Variants in BRAF observed in about 807,000 individuals in gnomAD.
The protein encoded by BRAF is serine/threonine-protein kinase B-raf.
BRAF carries 16 observed loss-of-function variants against 104.6 expected under a neutral mutation model. That is an observed-to-expected ratio of 0.15 (90% CI 0.10 to 0.23). The LOEUF (loss-of-function observed/expected upper bound fraction) is 0.23. Ranked by LOEUF, BRAF falls within the 10% of genes least tolerant of loss-of-function variation. The pLI is 1.00. For synonymous variants in BRAF, 310 were observed against 341.6 expected, an observed-to-expected ratio of 0.91 and a Z score of 1.02; for missense variants, 541 against 937.3, an observed-to-expected ratio of 0.58 and a Z score of 5.52.
intron 1 of BRAF, among the ~76,000 whole-genome samples, chr7:140,903,398 T>C (rs1043450738): frequency 6.6e-6 from 1 of 152,230 alleles, no homozygotes; most frequent in Non-Finnish European, 1.5e-5. Flanking sequence ...TTTTACAACA[T>C]AGTTTGCTGA....
At position 140,924,392 on chromosome 7, in the gene BRAF, G is replaced by A. The variant is rs1292238432; in HGVS notation, c.138+174C>T. Among the ~76,000 whole-genome samples the A allele has an allele frequency of 6.6e-5, 10 of 152,336 alleles. No homozygotes were observed. Among genetic ancestry groups the A allele is most frequent in the Middle Eastern group, 3.4e-3 (1 of 294 alleles). On this transcript the variant is annotated intron_variant, in intron 1 of 19. Transcript: ENST00000644969. This position sits in a 1 kb window ranked among gnomAD's most constrained non-coding sequence, Gnocchi z 4.2. ...GCCATTGTGTGTGTTTACGTAGGAA[G>A]GCGCTGCATGACGGAGAGGGACACG...
chr7:140,922,362 CACTT>C (rs908995187), intron 1 of BRAF, among the ~76,000 whole-genome samples: 4 of 152,204 alleles, frequency 2.6e-5, no homozygotes, highest in Admixed American at 1.3e-4. Context: ...CCCTCGCTCT[CACTT>C]ACTAAATCAG....
intron 1 of BRAF, among the ~76,000 whole-genome samples, chr7:140,871,796 C>T (rs1563007507): frequency 6.6e-6 from 1 of 152,142 alleles, no homozygotes; most frequent in Non-Finnish European, 1.5e-5. Context: ...AATTTAGTTT[C>T]TCACTCTCAC....
chr7:140,758,487 C>T (rs555085676), intron 14 of BRAF, among the ~76,000 whole-genome samples: 2 of 151,892 alleles, frequency 1.3e-5, no homozygotes, highest in Non-Finnish European at 2.9e-5. Flanking sequence ...CAGGGTGTTG[C>T]TCTCTTGCCC....
At chr7:140,869,251 T>C (rs1563005837) in intron 1 of BRAF, among the ~76,000 whole-genome samples, 1 of 152,188 alleles carries the variant, frequency 6.6e-6, no homozygotes, top group Non-Finnish European at 1.5e-5. Flanking sequence ...CATGTTCTTT[T>C]ACATGTTCTA....
chr7:140,856,007 G>C (rs556826190), intron 1 of BRAF, among the ~76,000 whole-genome samples: 94 of 151,800 alleles, frequency 6.2e-4, no homozygotes, highest in Non-Finnish European at 1.2e-3. Flanking sequence ...AACAGAGCAA[G>C]ACTATCTCTA....
At chr7:140,890,064 C>G (rs1360254399) in intron 1 of BRAF, among the ~76,000 whole-genome samples, 1 of 152,182 alleles carries the variant, frequency 6.6e-6, no homozygotes. Context: ...AGAATTCCAG[C>G]TCTTGTCACT....
intron 14 of BRAF, among the ~76,000 whole-genome samples, chr7:140,757,434 C>T (rs556832097): frequency 3.9e-5 from 6 of 152,072 alleles, no homozygotes; most frequent in Admixed American, 1.3e-4. Flanking sequence ...GGACTACAGG[C>T]GCGCGCCACC....
chr7:140,798,678 G>A (rs1213793944), intron 7 of BRAF, among the ~76,000 whole-genome samples: 2 of 151,058 alleles, frequency 1.3e-5, no homozygotes, highest in East Asian at 4.0e-4. Context: ...AAGCTAATTA[G>A]GTGCAGTGTC....
rs138016785 is a variant in BRAF, at chr7:140,921,163, C to T, written c.138+3403G>A. Reference sequence around the variant, plus strand: ...TTCTACAGAAACAGCACAGGAAGAACAGTTAATAAATATCACTCTGGTATC... The same window carrying T: ...TTCTACAGAAACAGCACAGGAAGAATAGTTAATAAATATCACTCTGGTATC... On this transcript the variant is annotated intron_variant, in intron 1 of 19. Coordinates refer to ENST00000644969, the MANE Select transcript of BRAF (RefSeq NM_001374258.1). 3.9e-4 allele frequency among the ~76,000 whole-genome samples: 59 copies of T among 152,180 alleles called. No individual in the cohort carries two copies. In the East Asian group the frequency reaches 0.011, roughly 28 times the overall value.
At chr7:140,759,037 C>T (rs1003514602) in intron 14 of BRAF, among the ~76,000 whole-genome samples, 8 of 152,180 alleles carry the variant, frequency 5.3e-5, no homozygotes, top group Non-Finnish European at 1.2e-4. Flanking sequence ...GCTTCTTTTG[C>T]GCAGCAAAAC....
Position 140,723,549 on chromosome 7 carries a change from A to G in BRAF, c.*2945T>C, listed in dbSNP as rs1795427090. 9.5e-7 allele frequency: 1 copy of G among 1,049,890 alleles called. No homozygotes were observed. The allele number at this position is 1,049,890 out of a possible 1,614,324, so 65.0% of individuals were successfully genotyped here. ...GATCACACTGAATTTTCTATTCACA[A>G]ATCCCTTTTATAAACTATTTTTTTG... On this transcript the variant is annotated 3_prime_UTR_variant, in exon 20 of 20. Transcript: ENST00000644969.
At chr7:140,882,863 G>A (rs945411327) in intron 1 of BRAF, among the ~76,000 whole-genome samples, 8 of 151,984 alleles carry the variant, frequency 5.3e-5, no homozygotes, top group African/African-American at 1.9e-4. Context: ...GCATGGTGGT[G>A]CATGCCTGCA....
In BRAF at chr7:140,924,748, G is replaced by A; in HGVS notation, c.-45C>T. 1.4e-6 allele frequency: 1 copy of A among 712,204 alleles called. No individual in the cohort carries two copies. 44.1% of individuals were successfully genotyped at this position (712,204 alleles called of 1,614,324 possible). ...GCCCGAGCGGCCGCTGTCGGGCGGGGAGGGGGAAGGGAGGCGGAGAGCTGG... is the reference window on the plus strand; with the variant it reads ...GCCCGAGCGGCCGCTGTCGGGCGGGAAGGGGGAAGGGAGGCGGAGAGCTGG... On this transcript the variant is annotated 5_prime_UTR_variant, in exon 1 of 20. Coordinates refer to ENST00000644969, the MANE Select transcript of BRAF (RefSeq NM_001374258.1). This position sits in a 1 kb window ranked among gnomAD's most constrained non-coding sequence, Gnocchi z 4.2.
intron 2 of BRAF, among the ~76,000 whole-genome samples, chr7:140,847,654 A>T (rs749006183): frequency 3.3e-5 from 5 of 152,192 alleles, no homozygotes; most frequent in Non-Finnish European, 5.9e-5. Context: ...TCAACTATTT[A>T]TAGAATTCTT....
At chr7:140,863,049 C>T (rs185059695) in intron 1 of BRAF, among the ~76,000 whole-genome samples, 2 of 152,164 alleles carry the variant, frequency 1.3e-5, no homozygotes, top group Non-Finnish European at 2.9e-5. Flanking sequence ...AGGAATCATC[C>T]ATCTGAAAAC....
At chr7:140,904,933 C>T (rs1451204821) in intron 1 of BRAF, among the ~76,000 whole-genome samples, 2 of 132,138 alleles carry the variant, frequency 1.5e-5, no homozygotes, top group Non-Finnish European at 3.0e-5. Context: ...TTAATAGTTG[C>T]TCAATTTCTA....
intron 3 of BRAF, among the ~76,000 whole-genome samples, chr7:140,810,737 G>A (rs935946051): frequency 6.6e-6 from 1 of 152,154 alleles, no homozygotes; most frequent in African/African-American, 2.4e-5. Flanking sequence ...AAATTTATTT[G>A]TAACTCTAAA....
intron 1 of BRAF, among the ~76,000 whole-genome samples, chr7:140,897,985 A>G (rs1815155859): frequency 6.6e-6 from 1 of 152,160 alleles, no homozygotes; most frequent in African/African-American, 2.4e-5. Context: ...GAATCACTTG[A>G]AGCCAGGAGT....
Sources: allele counts gnomAD v4.1 joint callset (sites outside exome capture counted in the v4.1 genomes callset), GRCh38; gene constraint gnomAD v4.1.1; non-coding constraint Gnocchi (gnomAD v3.1); transcripts MANE v1.5; gene names NCBI Gene and HGNC (gene_info 2026-07-23, HGNC 2026-07-21).